Variants in TM7SF3 observed in about 807,000 individuals in gnomAD.
TM7SF3 encodes the protein transmembrane 7 superfamily member 3.
A neutral mutation model predicts 65.5 loss-of-function variants in TM7SF3; 60 were observed. The observed-to-expected ratio is 0.92, with a 90% CI of 0.74 to 1.14. The LOEUF (loss-of-function observed/expected upper bound fraction) is 1.14. TM7SF3 is among the 50% of genes most tolerant of loss of function. The pLI, the probability that TM7SF3 is intolerant of heterozygous loss-of-function variation, is 0.00. For missense variants in TM7SF3, 623 were observed against 684.8 expected (o/e 0.91, Z 1.01); for synonymous variants, 264 against 259.6 (o/e 1.02, Z -0.16).
chr12:26,982,952 G>T, intron 6 of TM7SF3, 93 bp from the exon 7 acceptor site: 1 of 856,986 alleles, frequency 1.2e-6, no homozygotes, highest in Non-Finnish European at 1.7e-6. Context: ...AAAGCTAAGT[G>T]AACTGACATA....
At chr12:26,978,917 GC>G (rs1018371805) in intron 9 of TM7SF3, 2 of 152,024 alleles carry the variant, frequency 1.3e-5, no homozygotes, top group African/African-American at 4.8e-5. Context: ...GTAGGGTAGA[GC>G]CTTGAATCTG....
intron 7 of TM7SF3, among the ~76,000 whole-genome samples, chr12:26,981,772 G>C (rs1333381167): frequency 6.6e-6 from 1 of 152,126 alleles, no homozygotes; most frequent in African/African-American, 2.4e-5. Context: ...ATTAAATAAG[G>C]ATTTTTTAAT....
chr12:27,007,474 A>G (rs1189418832), intron 1 of TM7SF3, among the ~76,000 whole-genome samples: 2 of 152,112 alleles, frequency 1.3e-5, no homozygotes, highest in Non-Finnish European at 2.9e-5. Flanking sequence ...CCTTTTCATA[A>G]GAAATTATAA....
At chr12:27,005,196 G>A (rs1039533584) in intron 1 of TM7SF3, among the ~76,000 whole-genome samples, 12 of 152,014 alleles carry the variant, frequency 7.9e-5, no homozygotes, top group African/African-American at 1.9e-4. Flanking sequence ...ATTCCCACCC[G>A]TATTGGCAGT....
At chr12:26,985,771 G>A (rs1169026561) in intron 6 of TM7SF3, among the ~76,000 whole-genome samples, 1 of 140,582 alleles carries the variant, frequency 7.1e-6, no homozygotes, top group Non-Finnish European at 1.5e-5. Flanking sequence ...ACTGAGTGGT[G>A]ACAAAGAGCC....
At chr12:26,987,969 AG>A (rs1940172064) in intron 6 of TM7SF3, among the ~76,000 whole-genome samples, 1 of 152,170 alleles carries the variant, frequency 6.6e-6, no homozygotes, top group Non-Finnish European at 1.5e-5. Context: ...TTTAATTATG[AG>A]GAAATATCAA....
At chr12:26,992,314 T>C (rs1379746609) in intron 5 of TM7SF3, among the ~76,000 whole-genome samples, 3 of 152,268 alleles carry the variant, frequency 2.0e-5, no homozygotes, top group Non-Finnish European at 4.4e-5. Context: ...GTCGCTCTGT[T>C]GCCCAGGCTG....
chr12:26,980,530 T>C (rs1000660249), intron 8 of TM7SF3, 36 bp downstream of exon 8: 3 of 1,091,978 alleles, frequency 2.7e-6, no homozygotes, highest in Middle Eastern at 2.0e-4. Context: ...ACCTGCCTTC[T>C]TGAATACCCA....
chr12:26,996,685 A>C (rs1478519771), intron 4 of TM7SF3, 57 bp downstream of exon 4: 1 of 1,544,548 alleles, frequency 6.5e-7, no homozygotes, highest in East Asian at 2.3e-5. Context: ...TCAAATCTAC[A>C]CAACTGTCGT....
In TM7SF3 at chr12:26,982,867, A is replaced by T. The variant is rs1371908255; in HGVS notation, c.869-8T>A. 1 of 1,582,474 alleles carries T rather than the reference A, an allele frequency of 6.3e-7. No homozygotes were observed. The highest frequency in any genetic ancestry group is 8.6e-7 in the Non-Finnish European group (1 of 1,164,888). On this transcript the variant is annotated splice_polypyrimidine_tract_variant and splice_region_variant and intron_variant, in intron 6 of 11. Coordinates refer to ENST00000343028, the MANE Select transcript of TM7SF3 (RefSeq NM_016551.3). ...CTTTGGAAGACACTCTTCCTAAAAA[A>T]TAATGAAAATTTAGTGGATAATACA...
chr12:26,988,180 G>A (rs912563426), intron 6 of TM7SF3, among the ~76,000 whole-genome samples: 1 of 152,124 alleles, frequency 6.6e-6, no homozygotes, highest in Non-Finnish European at 1.5e-5. Context: ...TTGTTGACGG[G>A]GAGACGGGGT....
chr12:26,990,395 G>T, intron 6 of TM7SF3, 55 bp downstream of exon 6: 1 of 1,335,704 alleles, frequency 7.5e-7, no homozygotes, highest in Non-Finnish European at 1.1e-6. Context: ...CTAGACAAAA[G>T]CATTATCTGC....
intron 1 of TM7SF3, among the ~76,000 whole-genome samples, chr12:27,009,156 C>A (rs904948494): frequency 2.0e-5 from 3 of 152,156 alleles, no homozygotes; most frequent in Non-Finnish European, 2.9e-5. Flanking sequence ...AATCCTAACA[C>A]AAATATTACA....
At chr12:26,994,945 G>A (rs966959710) in intron 5 of TM7SF3, among the ~76,000 whole-genome samples, 1 of 152,110 alleles carries the variant, frequency 6.6e-6, no homozygotes, top group African/African-American at 2.4e-5. Context: ...CCCAGTAGTC[G>A]TGGGAGTACA....
chr12:26,979,213 G>A (rs1313678178), intron 9 of TM7SF3: 1 of 152,250 alleles, frequency 6.6e-6, no homozygotes, highest in Non-Finnish European at 1.5e-5. Flanking sequence ...TGCTGTTTTT[G>A]TTTGTTTTTG....
In TM7SF3 at chr12:26,974,344, T is replaced by C. The variant is rs981570219; in HGVS notation, c.1451-117A>G. ...CCTTTCTAATAGACTTTCTGGTGAG[T>C]TAGTCCAAACACATATGTAGTTCCT... is the stretch of plus-strand genomic sequence containing the variant. On this transcript the variant is annotated intron_variant, in intron 11 of 11. Coordinates refer to ENST00000343028, the MANE Select transcript of TM7SF3 (RefSeq NM_016551.3). 4.1e-5 allele frequency: 46 copies of C among 1,135,642 alleles called. No homozygotes were observed. In the African/African-American group the frequency reaches 5.8e-4, roughly 14 times the overall value. The allele number at this position is 1,135,642 out of a possible 1,614,324, so 70.3% of individuals were successfully genotyped here. A position where few individuals can be genotyped will look rare whatever the true frequency, so the allele number is the denominator to read the frequency against.
rs1227697780 is a variant in TM7SF3 at position 26,971,834 on chromosome 12, A to G, written c.*2131T>C. On this transcript the variant is annotated 3_prime_UTR_variant, in exon 12 of 12. Transcript: ENST00000343028. Reference sequence around the variant, plus strand: ...AAGTTAATTATAGACAGTAAGGATTACAGAATAAGCAGTAAATGGTCACCT... The same window carrying G: ...AAGTTAATTATAGACAGTAAGGATTGCAGAATAAGCAGTAAATGGTCACCT... 1 of 152,238 alleles carries G rather than the reference A, an allele frequency of 6.6e-6. No homozygotes were observed. The highest frequency in any genetic ancestry group is 1.5e-5 in the Non-Finnish European group (1 of 68,044). 9.4% of individuals were successfully genotyped at this position (152,238 alleles called of 1,614,324 possible). A position where few individuals can be genotyped will look rare whatever the true frequency, so the allele number is the denominator to read the frequency against.
In TM7SF3 at chr12:26,998,129, G is replaced by A. The variant is rs545632914; in HGVS notation, c.398-1267C>T. Among the ~76,000 whole-genome samples, 30 of 152,090 alleles carry A rather than the reference G, an allele frequency of 2.0e-4. 1 individual carries two copies. The highest frequency in any genetic ancestry group is 6.8e-3 in the Middle Eastern group (2 of 294). On this transcript the variant is annotated intron_variant, in intron 3 of 11. Transcript: ENST00000343028. Reference sequence around the variant, plus strand: ...ATTACAGGTGTGAGCCACCGTGCCCGGCCTGCTCCCTTTTAAAGGCAGAAA... The same window carrying A: ...ATTACAGGTGTGAGCCACCGTGCCCAGCCTGCTCCCTTTTAAAGGCAGAAA...
At chr12:26,986,071 G>A (rs1184796645) in intron 6 of TM7SF3, among the ~76,000 whole-genome samples, 1 of 151,000 alleles carries the variant, frequency 6.6e-6, no homozygotes, top group African/African-American at 2.4e-5. Flanking sequence ...CTCGTGATCC[G>A]CCCGCCTTGG....
Sources: gnomAD v4.1 joint callset for allele counts (sites outside exome capture counted in the v4.1 genomes callset) on GRCh38, gnomAD v4.1.1 for gene constraint, MANE v1.5 for transcripts, NCBI Gene and HGNC (gene_info 2026-07-23, HGNC 2026-07-21) for gene names.